LHFPL4: variants seen among roughly 807,000 people sequenced by gnomAD.
LHFPL4 encodes the protein LHFPL tetraspan subfamily member 4 protein.
Under a neutral mutation model 20.0 loss-of-function variants are expected in LHFPL4, and 6 were observed. That is an observed-to-expected ratio of 0.30 (90% CI 0.16 to 0.59). The LOEUF (loss-of-function observed/expected upper bound fraction) is 0.59, where lower values mean the gene tolerates loss of function less well. LHFPL4 is among the 20% of genes least tolerant of loss of function. The probability of loss-of-function intolerance (pLI) is 0.88; values close to 1 mark genes in which losing one functional copy is unlikely to be tolerated. For synonymous variants in LHFPL4, 129 were observed against 143.8 expected (o/e 0.90, Z 0.74); for missense variants, 215 against 331.2 (o/e 0.65, Z 2.72).
chr3:9,530,781 G>C lies in LHFPL4; in HGVS notation c.406+21493C>G, dbSNP rs114396959. On this transcript the variant is annotated intron_variant, in intron 2 of 3. Coordinates refer to ENST00000287585, the MANE Select transcript of LHFPL4 (RefSeq NM_198560.3). ...TATTTATTTATTTACTTATTTTTTA[G>C]AGACAGAGTCTTACTATGTTGCCCA... is the stretch of plus-strand genomic sequence containing the variant. Among the ~76,000 whole-genome samples, 3 of 148,194 alleles carry C rather than the reference G, an allele frequency of 2.0e-5. No homozygotes were observed. The East Asian group carries it at 5.8e-4, about 29-fold the overall frequency.
intron 2 of LHFPL4, among the ~76,000 whole-genome samples, chr3:9,543,898 G>C (rs1394978669): frequency 6.6e-6 from 1 of 151,694 alleles, no homozygotes; most frequent in East Asian, 1.9e-4. Flanking sequence ...TGCCCAGCTA[G>C]TTTTTGTAGA....
intron 2 of LHFPL4, among the ~76,000 whole-genome samples, chr3:9,547,501 A>T (rs1319795723): frequency 6.6e-6 from 1 of 152,188 alleles, no homozygotes; most frequent in Non-Finnish European, 1.5e-5. Flanking sequence ...CAGGTTCTAG[A>T]TCTGTATTAG....
chr3:9,522,944 G>C (rs1242233888), intron 2 of LHFPL4, among the ~76,000 whole-genome samples: 2 of 151,208 alleles, frequency 1.3e-5, no homozygotes, highest in Non-Finnish European at 2.9e-5. Flanking sequence ...GGGAGGCTGA[G>C]GCAGGAGAAT....
intron 2 of LHFPL4, among the ~76,000 whole-genome samples, chr3:9,529,252 C>T (rs532682074): frequency 6.6e-6 from 1 of 152,208 alleles, no homozygotes; most frequent in East Asian, 1.9e-4. Flanking sequence ...TGGTCTCGAA[C>T]TCCTGATCTT....
chr3:9,516,661 A>AT (rs1170328446), intron 2 of LHFPL4, among the ~76,000 whole-genome samples: 3 of 151,694 alleles, frequency 2.0e-5, no homozygotes, highest in African/African-American at 7.3e-5. Flanking sequence ...TTTAGTAGAG[A>AT]CGGGGTTTCA....
At chr3:9,531,470 G>C (rs551505170) in intron 2 of LHFPL4, among the ~76,000 whole-genome samples, 13 of 152,324 alleles carry the variant, frequency 8.5e-5, no homozygotes, top group African/African-American at 2.4e-4. Flanking sequence ...AGTAGCCTGG[G>C]GGAGAGAGGG....
chr3:9,553,318 G>A (rs893680807), intron 1 of LHFPL4, among the ~76,000 whole-genome samples: 7 of 150,816 alleles, frequency 4.6e-5, no homozygotes, highest in African/African-American at 1.7e-4. Context: ...GGGCTGGTAT[G>A]AGGGTCTAAG....
At chr3:9,537,462 T>C (rs2046450738) in intron 2 of LHFPL4, among the ~76,000 whole-genome samples, 2 of 152,188 alleles carry the variant, frequency 1.3e-5, no homozygotes, top group Non-Finnish European at 2.9e-5. Flanking sequence ...GTAACAGCAT[T>C]TACTCTCATC....
intron 3 of LHFPL4, among the ~76,000 whole-genome samples, chr3:9,505,270 CTTTCT>C (rs746139644): frequency 6.0e-5 from 6 of 100,402 alleles, no homozygotes; most frequent in African/African-American, 1.3e-4. Context: ...CTTTTCTTTT[CTTTCT>C]TTTTTTTTTT....
rs117627624 is a variant in LHFPL4 at position 9,542,298 on chromosome 3, A to G, written c.406+9976T>C. On this transcript the variant is annotated intron_variant, in intron 2 of 3. Coordinates refer to ENST00000287585, the MANE Select transcript of LHFPL4 (RefSeq NM_198560.3). Reference sequence around the variant, plus strand: ...GAGACTCTGTCTCAAAAAGAAAAAAAAGAAATTTGTATACAAATGTTTATA... The same window carrying G: ...GAGACTCTGTCTCAAAAAGAAAAAAGAGAAATTTGTATACAAATGTTTATA... 3.5e-3 allele frequency among the ~76,000 whole-genome samples: 538 copies of G among 152,292 alleles called. 10 individuals are homozygous for G. The East Asian group carries it at 0.039, about 11-fold the overall frequency.
chr3:9,536,058 A>G (rs2046442482), intron 2 of LHFPL4, among the ~76,000 whole-genome samples: 1 of 152,044 alleles, frequency 6.6e-6, no homozygotes, highest in African/African-American at 2.4e-5. Flanking sequence ...ACCTCACCCA[A>G]AGTGCTGGGA....
At chr3:9,504,622 G>C (rs1038174924) in intron 3 of LHFPL4, among the ~76,000 whole-genome samples, 1 of 151,946 alleles carries the variant, frequency 6.6e-6, no homozygotes, top group South Asian at 2.1e-4. Context: ...TCAGAAGATC[G>C]AGACCATCCT....
At chr3:9,525,922 T>C (rs1446458842) in intron 2 of LHFPL4, among the ~76,000 whole-genome samples, 2 of 152,318 alleles carry the variant, frequency 1.3e-5, no homozygotes, top group Admixed American at 6.5e-5. Flanking sequence ...GAGTCCATGC[T>C]CTTAACTACC....
chr3:9,553,816 G>T lies in LHFPL4; in HGVS notation c.-300C>A, dbSNP rs2046574660. On this transcript the variant is annotated 5_prime_UTR_variant, in exon 1 of 4. Transcript: ENST00000287585. The stretch of plus-strand genomic sequence containing the variant: ...CCTCCATCTTGCTCGGGTTCTCCCC[G>T]GGGCGCGCTCCCGCGCCGAGGCGCG... 1 of 150,608 alleles carries T rather than the reference G, an allele frequency of 6.6e-6. No individual in the cohort carries two copies. Among genetic ancestry groups the T allele is most frequent in the Non-Finnish European group, 1.5e-5 (1 of 67,490 alleles). The allele number at this position is 150,608 out of a possible 1,614,324, so 9.3% of individuals were successfully genotyped here.
At chr3:9,510,209 G>C (rs1485938638) in intron 2 of LHFPL4, among the ~76,000 whole-genome samples, 1 of 152,088 alleles carries the variant, frequency 6.6e-6, no homozygotes, top group African/African-American at 2.4e-5. Context: ...CCAGTACTTT[G>C]GGAGGCCGAG....
intron 2 of LHFPL4, among the ~76,000 whole-genome samples, chr3:9,508,524 G>C (rs1204828947): frequency 6.6e-6 from 1 of 152,182 alleles, no homozygotes; most frequent in Non-Finnish European, 1.5e-5. Context: ...GGAAAACCGG[G>C]GCTAGACATG....
chr3:9,510,436 C>CA (rs34617447), intron 2 of LHFPL4, among the ~76,000 whole-genome samples: 40,868 of 117,174 alleles, frequency 0.35, 6,304 homozygotes, highest in Middle Eastern at 0.4. Flanking sequence ...GACATGGTTT[C>CA]AAAAAAAAAA....
chr3:9,525,524 GC>G (rs2046368054), intron 2 of LHFPL4, among the ~76,000 whole-genome samples: 4 of 152,116 alleles, frequency 2.6e-5, no homozygotes, highest in South Asian at 2.1e-4. Flanking sequence ...AGTTTGTTTG[GC>G]TTTTTACTTG....
intron 2 of LHFPL4, among the ~76,000 whole-genome samples, chr3:9,529,637 T>C (rs1157063902): frequency 6.6e-6 from 1 of 151,924 alleles, no homozygotes; most frequent in African/African-American, 2.4e-5. Flanking sequence ...TTTATTTTAT[T>C]TATTTATTTT....
Sources: allele counts gnomAD v4.1 joint callset (sites outside exome capture counted in the v4.1 genomes callset), GRCh38; gene constraint gnomAD v4.1.1; transcripts MANE v1.5; gene names NCBI Gene and HGNC (gene_info 2026-07-23, HGNC 2026-07-21).